PXK: variants seen among roughly 807,000 people sequenced by gnomAD.
PXK encodes the protein PX domain containing serine/threonine kinase like, also known as PX domain-containing protein kinase-like protein.
Under a neutral mutation model 84.7 loss-of-function variants are expected in PXK, and 35 were observed. The ratio of observed to expected loss-of-function variants is 0.41; its 90% confidence interval spans 0.32 to 0.55. The LOEUF (loss-of-function observed/expected upper bound fraction) is 0.55, where lower values mean the gene tolerates loss of function less well. Ranked by LOEUF, PXK falls within the 20% of genes least tolerant of loss-of-function variation. PXK has a pLI of 0.21. For missense variants in PXK, 634 were observed against 699.7 expected, an observed-to-expected ratio of 0.91 and a Z score of 1.06; for synonymous variants, 253 against 260.8, an observed-to-expected ratio of 0.97 and a Z score of 0.29.
rs541340599 is a variant in PXK, at chr3:58,386,559, C to T, written c.388+3859C>T. Reference sequence around the variant, plus strand: ...ATACGCCCACCTCGGCCTCCCAAAGCGCTGGGATTACAGGCATGAGCCACT... The same window carrying T: ...ATACGCCCACCTCGGCCTCCCAAAGTGCTGGGATTACAGGCATGAGCCACT... On this transcript the variant is annotated intron_variant, in intron 4 of 17. Transcript: ENST00000356151. Among the ~76,000 whole-genome samples the T allele has an allele frequency of 1.6e-3, 237 of 151,904 alleles. 1 individual carries two copies. Among genetic ancestry groups the T allele is most frequent in the African/African-American group, 5.0e-3 (209 of 41,420 alleles).
intron 3 of PXK, among the ~76,000 whole-genome samples, chr3:58,371,077 C>T (rs551281162): frequency 6.6e-6 from 1 of 152,328 alleles, no homozygotes; most frequent in Non-Finnish European, 1.5e-5. Context: ...CTGCTGAAAG[C>T]ATGAATGCCT....
In PXK at chr3:58,390,099, G is replaced by GC. The variant is rs1253125859; in HGVS notation, c.389-480dup. Among the ~76,000 whole-genome samples the GC allele has an allele frequency of 6.6e-6, 1 of 151,290 alleles. No homozygotes were observed. Among genetic ancestry groups the GC allele is most frequent in the Non-Finnish European group, 1.5e-5 (1 of 67,910 alleles). ...AGGCTGAGGTGGGAGGATCACTTGA[G>GC]CCCAGGAGGTTGAGTTTGCAGTGAG... is the stretch of plus-strand genomic sequence containing the variant. On this transcript the variant is annotated intron_variant, in intron 4 of 17. Coordinates refer to ENST00000356151, the MANE Select transcript of PXK (RefSeq NM_017771.5). The surrounding 1 kb of genome is among the most constrained non-coding windows in gnomAD (Gnocchi z 4.2).
intron 1 of PXK, among the ~76,000 whole-genome samples, chr3:58,348,669 G>C (rs998355760): frequency 6.6e-6 from 1 of 151,968 alleles, no homozygotes; most frequent in Non-Finnish European, 1.5e-5. Context: ...TCAGCACTTT[G>C]GCAGGTTGAG....
At chr3:58,381,248 C>CAAA (rs34425100) in intron 3 of PXK, among the ~76,000 whole-genome samples, 2 of 97,490 alleles carry the variant, frequency 2.1e-5, no homozygotes, top group Non-Finnish European at 4.3e-5. Context: ...GACTCCGTCT[C>CAAA]AAAAAAAAAA....
intron 1 of PXK, among the ~76,000 whole-genome samples, chr3:58,360,901 A>G (rs1160187793): frequency 6.6e-6 from 1 of 152,032 alleles, no homozygotes; most frequent in African/African-American, 2.4e-5. Flanking sequence ...TTATGATTTA[A>G]TTTATACTTT....
intron 15 of PXK, 22 bp from the exon 16 acceptor site, chr3:58,410,068 C>T: frequency 1.3e-6 from 2 of 1,492,692 alleles, no homozygotes; most frequent in African/African-American, 1.4e-5. Context: ...CCCTCCCTCC[C>T]CCTTTTCTTT....
intron 17 of PXK, among the ~76,000 whole-genome samples, chr3:58,415,462 AG>A (rs1229813356): frequency 2.0e-5 from 3 of 152,206 alleles, no homozygotes; most frequent in Non-Finnish European, 4.4e-5. Flanking sequence ...ACAGATGAAA[AG>A]ATGCATAGGG....
chr3:58,376,321 A>G (rs1054402869), intron 3 of PXK, among the ~76,000 whole-genome samples: 9 of 152,072 alleles, frequency 5.9e-5, no homozygotes, highest in African/African-American at 2.2e-4. Flanking sequence ...AGGCTGAGGC[A>G]GGAGAATTAC....
chr3:58,349,851 C>T (rs370236513), intron 1 of PXK, among the ~76,000 whole-genome samples: 1 of 152,192 alleles, frequency 6.6e-6, no homozygotes, highest in African/African-American at 2.4e-5. Flanking sequence ...TAGGTCACTG[C>T]TCTCTTCAAA....
At chr3:58,343,347 G>A (rs150985478) in intron 1 of PXK, among the ~76,000 whole-genome samples, 1 of 152,320 alleles carries the variant, frequency 6.6e-6, no homozygotes, top group African/African-American at 2.4e-5. Flanking sequence ...CACCCTGCTG[G>A]TCCGTGAGAG....
intron 1 of PXK, among the ~76,000 whole-genome samples, chr3:58,348,123 T>G (rs1478418377): frequency 6.6e-6 from 1 of 152,164 alleles, no homozygotes; most frequent in African/African-American, 2.4e-5. Flanking sequence ...TTGGCCAGGC[T>G]GGTCTTGAAC....
chr3:58,367,595 C>G (rs2098294160), intron 2 of PXK, among the ~76,000 whole-genome samples: 4 of 152,088 alleles, frequency 2.6e-5, no homozygotes, highest in Admixed American at 2.6e-4. Context: ...GACCCAAAGA[C>G]CCGGGGAAAA....
chr3:58,423,890 A>G lies in PXK; in HGVS notation c.1529-862A>G, dbSNP rs78942348. On this transcript the variant is annotated intron_variant, in intron 17 of 17. Transcript: ENST00000356151. ...AGTTGCAAATGTCCATGTGCCTGGA[A>G]GCTGAGGGAAGTTTTAGACACCTGC... is the stretch of plus-strand genomic sequence containing the variant. Among the ~76,000 whole-genome samples, 250 of 152,336 alleles carry G rather than the reference A, an allele frequency of 1.6e-3. 1 individual carries two copies. The highest frequency in any genetic ancestry group is 5.8e-3 in the African/African-American group (241 of 41,572).
rs1417820018 is a variant in PXK, at chr3:58,423,476, G to A, written c.1529-1276G>A. Reference sequence around the variant, plus strand: ...TTAATTTCAGCTGCCTTAGGTTTGAGTAAAAGATGTAAAGAAAGGTAAGTG... The same window carrying A: ...TTAATTTCAGCTGCCTTAGGTTTGAATAAAAGATGTAAAGAAAGGTAAGTG... On this transcript the variant is annotated intron_variant, in intron 17 of 17. Coordinates refer to ENST00000356151, the MANE Select transcript of PXK (RefSeq NM_017771.5). 3 of 1,531,992 alleles carry A rather than the reference G, an allele frequency of 2.0e-6. No individual in the cohort carries two copies. In the African/African-American group the frequency reaches 4.1e-5, roughly 21 times the overall value. 94.9% of individuals were successfully genotyped at this position (1,531,992 alleles called of 1,614,324 possible).
At chr3:58,408,017 G>A (rs867331953) in intron 13 of PXK, among the ~76,000 whole-genome samples, 10 of 152,160 alleles carry the variant, frequency 6.6e-5, no homozygotes, top group Admixed American at 1.3e-4. Flanking sequence ...TTATGTTTAG[G>A]TTTTGAATCC....
intron 2 of PXK, among the ~76,000 whole-genome samples, chr3:58,368,923 A>G (rs1248870085): frequency 6.6e-6 from 1 of 152,138 alleles, no homozygotes; most frequent in East Asian, 1.9e-4. Context: ...AAGAGGGGGA[A>G]CCCTGGGGAA....
At position 58,416,858 on chromosome 3, in the gene PXK, A is replaced by G. The variant is rs1364223879; in HGVS notation, c.1528+3895A>G. ...GGCTGGTCTTGAACTCCTGACCTCA[A>G]AGTGATCCACCCGCCTCGGCCCCCA... is the stretch of plus-strand genomic sequence containing the variant. On this transcript the variant is annotated intron_variant, in intron 17 of 17. Coordinates refer to ENST00000356151, the MANE Select transcript of PXK (RefSeq NM_017771.5). The surrounding 1 kb of genome is among the most constrained non-coding windows in gnomAD (Gnocchi z 4.8). Among the ~76,000 whole-genome samples, 1 of 152,044 alleles carries G rather than the reference A, an allele frequency of 6.6e-6. No individual in the cohort carries two copies. Among genetic ancestry groups the G allele is most frequent in the Non-Finnish European group, 1.5e-5 (1 of 67,978 alleles).
At position 58,385,999 on chromosome 3, in the gene PXK, C is replaced by G. The variant is rs760675600; in HGVS notation, c.388+3299C>G. Among the ~76,000 whole-genome samples, 3 of 152,122 alleles carry G rather than the reference C, an allele frequency of 2.0e-5. No individual in the cohort carries two copies. The highest frequency in any genetic ancestry group is 4.4e-5 in the Non-Finnish European group (3 of 68,014). ...GGAGGGGGACTGTGATGGCATTCTG[C>G]TCCCAGGGGATGGCTAACTGGGAGC... is the stretch of plus-strand genomic sequence containing the variant. On this transcript the variant is annotated intron_variant, in intron 4 of 17. Transcript: ENST00000356151. This position sits in a 1 kb window ranked among gnomAD's most constrained non-coding sequence, Gnocchi z 5.1.
intron 3 of PXK, among the ~76,000 whole-genome samples, chr3:58,378,492 C>CTTCTTCTTT (rs1451583616): frequency 4.1e-5 from 1 of 24,318 alleles, no homozygotes; most frequent in African/African-American, 1.4e-4. Flanking sequence ...CATTTTTCTT[C>CTTCTTCTTT]TTTTTTTTTT....
Sources: allele counts gnomAD v4.1 joint callset (sites outside exome capture counted in the v4.1 genomes callset), GRCh38; gene constraint gnomAD v4.1.1; non-coding constraint Gnocchi (gnomAD v3.1); transcripts MANE v1.5; gene names NCBI Gene and HGNC (gene_info 2026-07-23, HGNC 2026-07-21).